The following NECTIN1 variants were observed in gnomAD, a reference collection of about 807,000 sequenced individuals.
NECTIN1 encodes the protein nectin cell adhesion molecule 1.
NECTIN1 carries 23 observed loss-of-function variants against 48.0 expected under a neutral mutation model. The ratio of observed to expected loss-of-function variants is 0.48; its 90% confidence interval spans 0.34 to 0.68. The LOEUF is 0.68. NECTIN1 is among the 30% of genes least tolerant of loss of function. The pLI, the probability that NECTIN1 is intolerant of heterozygous loss-of-function variation, is 0.01. For missense variants in NECTIN1, 591 were observed against 709.9 expected, an observed-to-expected ratio of 0.83 and a Z score of 1.90; for synonymous variants, 270 against 288.9, an observed-to-expected ratio of 0.93 and a Z score of 0.66.
chr11:119,704,003 C>T (rs1246609946), intron 1 of NECTIN1, among the ~76,000 whole-genome samples: 11 of 152,140 alleles, frequency 7.2e-5, no homozygotes, highest in African/African-American at 2.7e-4. Context: ...TGCCTTTTTG[C>T]CACCTCTTCT....
At chr11:119,639,430 T>G (rs1864290002) in intron 6 of NECTIN1, 1 of 228,770 alleles carries the variant, frequency 4.4e-6, no homozygotes, top group African/African-American at 2.3e-5. Flanking sequence ...ATATGATTTA[T>G]CCTGATGGTT....
At chr11:119,722,493 C>G (rs1865848087) in intron 1 of NECTIN1, among the ~76,000 whole-genome samples, 1 of 152,264 alleles carries the variant, frequency 6.6e-6, no homozygotes, top group Admixed American at 6.5e-5. Context: ...CAGGCCCTCT[C>G]TATGGCCACG....
rs1294081682 is a variant in NECTIN1, at chr11:119,728,562, G to A, written c.-9C>T. The A allele has an allele frequency of 3.2e-6, 5 of 1,561,854 alleles. No homozygotes were observed. The highest frequency in any genetic ancestry group is 2.8e-5 in the African/African-American group (2 of 72,718). On this transcript the variant is annotated 5_prime_UTR_variant, in exon 1 of 6. Coordinates refer to ENST00000264025, the MANE Select transcript of NECTIN1 (RefSeq NM_002855.5). ...AGCCCCATCCGAGCCATCGGGGGCC[G>A]GGGGTCCGGCGAGAGGGGCGGCGAG... is the stretch of plus-strand genomic sequence containing the variant.
chr11:119,664,559 G>A lies in NECTIN1; in HGVS notation c.*188C>T. 7.0e-7 allele frequency: 1 copy of A among 1,431,124 alleles called. No individual in the cohort carries two copies. The highest frequency in any genetic ancestry group is 9.1e-7 in the Non-Finnish European group (1 of 1,095,562). 88.7% of individuals were successfully genotyped at this position (1,431,124 alleles called of 1,614,324 possible). On this transcript the variant is annotated 3_prime_UTR_variant, in exon 6 of 6. Coordinates refer to ENST00000264025, the MANE Select transcript of NECTIN1 (RefSeq NM_002855.5). Reference sequence around the variant, plus strand: ...CATGGGGAAGGGCGGAGGAGAGGGAGGAAATAAAACACAAAGCCAAGTCGT... The same window carrying A: ...CATGGGGAAGGGCGGAGGAGAGGGAAGAAATAAAACACAAAGCCAAGTCGT...
intron 5 of NECTIN1, among the ~76,000 whole-genome samples, chr11:119,671,075 G>A (rs1864855411): frequency 6.6e-6 from 1 of 151,854 alleles, no homozygotes; most frequent in Non-Finnish European, 1.5e-5. Flanking sequence ...CAGCATCAAA[G>A]ACTTTCGAGT....
chr11:119,696,223 CG>C, intron 1 of NECTIN1, among the ~76,000 whole-genome samples: 1 of 152,284 alleles, frequency 6.6e-6, no homozygotes, highest in Non-Finnish European at 1.5e-5. Context: ...GGATTACAGG[CG>C]TGAGCCACTG....
At chr11:119,676,694 G>C in intron 4 of NECTIN1, 1 of 278,326 alleles carries the variant, frequency 3.6e-6, no homozygotes, top group Non-Finnish European at 7.0e-6. Context: ...GTGCCAGAGA[G>C]AAGGAATAGG....
At chr11:119,650,679 T>A (rs546059039) in intron 5 of NECTIN1, among the ~76,000 whole-genome samples, 1 of 152,294 alleles carries the variant, frequency 6.6e-6, no homozygotes, top group East Asian at 1.9e-4. Flanking sequence ...GGGGCCAGAC[T>A]GCCTAGGTTT....
At chr11:119,644,569 G>C (rs759843382) in intron 5 of NECTIN1, among the ~76,000 whole-genome samples, 6 of 152,200 alleles carry the variant, frequency 3.9e-5, no homozygotes, top group Non-Finnish European at 8.8e-5. Context: ...CATTGTGCCC[G>C]GTGTGAGGGG....
At chr11:119,718,099 T>C (rs984407973) in intron 1 of NECTIN1, among the ~76,000 whole-genome samples, 1 of 151,988 alleles carries the variant, frequency 6.6e-6, no homozygotes, top group African/African-American at 2.4e-5. Context: ...AGCAAGAGAG[T>C]CTGTGAGGCC....
rs1864675987 is a variant in NECTIN1 at position 119,662,062 on chromosome 11, GT to G, written c.*2684del. On this transcript the variant is annotated 3_prime_UTR_variant, in exon 6 of 6. Transcript: ENST00000264025. This position sits in a 1 kb window ranked among gnomAD's most constrained non-coding sequence, Gnocchi z 5.3. ...AAGGAAACAGGGGCATGGGTGTGGG[GT>G]GGGGGGCAAGGACAGGGAGGGCAAC... 2 of 985,444 alleles carry G rather than the reference GT, an allele frequency of 2.0e-6. No homozygotes were observed. Among genetic ancestry groups the G allele is most frequent in the South Asian group, 9.4e-5 (2 of 21,282 alleles). The allele number at this position is 985,444 out of a possible 1,614,324, so 61.0% of individuals were successfully genotyped here. A position where few individuals can be genotyped will look rare whatever the true frequency, so the allele number is the denominator to read the frequency against.
At chr11:119,724,940 T>C (rs765478167) in intron 1 of NECTIN1, among the ~76,000 whole-genome samples, 5 of 152,236 alleles carry the variant, frequency 3.3e-5, no homozygotes, top group African/African-American at 9.6e-5. Flanking sequence ...TTGTTTTTTT[T>C]AAATCAGCAA....
intron 5 of NECTIN1, among the ~76,000 whole-genome samples, chr11:119,652,986 ACAT>A (rs1399884468): frequency 6.6e-6 from 1 of 152,224 alleles, no homozygotes; most frequent in East Asian, 1.9e-4. Context: ...AGGCTCACAG[ACAT>A]CATGTTGACT....
chr11:119,723,216 CAAAA>C (rs34528775), intron 1 of NECTIN1, among the ~76,000 whole-genome samples: 2 of 59,230 alleles, frequency 3.4e-5, no homozygotes, highest in Admixed American at 2.0e-4. Flanking sequence ...GACTCTGTCT[CAAAA>C]AAAAAAAAAA....
At chr11:119,705,919 A>G (rs2134326928) in intron 1 of NECTIN1, among the ~76,000 whole-genome samples, 1 of 152,232 alleles carries the variant, frequency 6.6e-6, no homozygotes, top group East Asian at 1.9e-4. Flanking sequence ...TTCTCCCTGC[A>G]GACAAGCTGT....
At position 119,697,934 on chromosome 11, in the gene NECTIN1, C is replaced by T. The variant is rs528160289; in HGVS notation, c.80-19169G>A. ...GATGGGCTGCAGAGGCTGAAGCCCT[C>T]GGTGTCCTGCCCAGCCTGAGTCTTC... On this transcript the variant is annotated intron_variant, in intron 1 of 5. Transcript: ENST00000264025. Among the ~76,000 whole-genome samples the T allele has an allele frequency of 5.2e-5, 8 of 152,384 alleles. No individual in the cohort carries two copies. The South Asian group carries it at 1.4e-3, about 28-fold the overall frequency.
intron 1 of NECTIN1, among the ~76,000 whole-genome samples, chr11:119,724,970 A>G (rs1452012278): frequency 6.6e-6 from 1 of 152,038 alleles, no homozygotes; most frequent in African/African-American, 2.4e-5. Context: ...ATATGCTGAC[A>G]CCTCTCTGTC....
rs7481156 is a variant in NECTIN1 at position 119,704,164 on chromosome 11, C to T, written c.79+24311G>A. On this transcript the variant is annotated intron_variant, in intron 1 of 5. Transcript: ENST00000264025. ...CATCATTTTCCTGCACACGAACCTG[C>T]GGGCAGGGGCTGTCTGCTTCCTCCT... 3.0e-3 allele frequency among the ~76,000 whole-genome samples: 459 copies of T among 152,250 alleles called. 1 individual carries two copies. Among genetic ancestry groups the T allele is most frequent in the South Asian group, 0.029 (138 of 4,824 alleles).
intron 1 of NECTIN1, among the ~76,000 whole-genome samples, chr11:119,716,202 T>C (rs532455023): frequency 3.3e-5 from 5 of 152,222 alleles, no homozygotes; most frequent in South Asian, 2.1e-4. Flanking sequence ...TCTGCTTGCA[T>C]TGACCACCCT....
Sources: gnomAD v4.1 joint callset for allele counts (sites outside exome capture counted in the v4.1 genomes callset) on GRCh38, gnomAD v4.1.1 for gene constraint, Gnocchi (gnomAD v3.1) non-coding constraint, MANE v1.5 for transcripts, NCBI Gene and HGNC (gene_info 2026-07-23, HGNC 2026-07-21) for gene names.